The following ABCC9 variants were observed in gnomAD, a reference collection of about 807,000 sequenced individuals.
ABCC9 encodes the protein ATP-binding cassette sub-family C member 9.
ABCC9 carries 95 observed loss-of-function variants against 188.3 expected under a neutral mutation model. The observed-to-expected ratio is 0.50, with a 90% CI of 0.43 to 0.60. The LOEUF (loss-of-function observed/expected upper bound fraction) is 0.60. Ranked by LOEUF, ABCC9 falls within the 20% of genes least tolerant of loss-of-function variation. The pLI, the probability that ABCC9 is intolerant of heterozygous loss-of-function variation, is 0.00. For synonymous variants in ABCC9, 659 were observed against 652.7 expected (o/e 1.01, Z -0.15); for missense variants, 1,102 against 1,876.3 (o/e 0.59, Z 7.62).
intron 22 of ABCC9, among the ~76,000 whole-genome samples, chr12:21,857,245 G>A (rs569488278): frequency 2.6e-4 from 39 of 152,176 alleles, no homozygotes; most frequent in Admixed American, 5.2e-4. Flanking sequence ...CTATACATCA[G>A]GGATTAAGAA....
chr12:21,824,032 A>C (rs982883162), intron 31 of ABCC9, among the ~76,000 whole-genome samples: 2 of 152,262 alleles, frequency 1.3e-5, no homozygotes, highest in Non-Finnish European at 2.9e-5. Context: ...TAGATCTTCC[A>C]TAGGGAAAAC....
intron 28 of ABCC9, among the ~76,000 whole-genome samples, chr12:21,843,741 G>C (rs1406819669): frequency 6.6e-6 from 1 of 152,076 alleles, no homozygotes; most frequent in Admixed American, 6.6e-5. Context: ...CCTTAGAAAG[G>C]TTTTAGGTGC....
intron 16 of ABCC9, among the ~76,000 whole-genome samples, chr12:21,881,799 T>TA (rs1290420022): frequency 1.3e-5 from 2 of 152,160 alleles, no homozygotes; most frequent in African/African-American, 2.4e-5. Flanking sequence ...GAGCTCTCTT[T>TA]AAAATTCATA....
rs751172494 is a variant in ABCC9 at position 21,915,854 on chromosome 12, A to G, written c.630T>C (p.Asp210=). The G allele has an allele frequency of 6.2e-7, 1 of 1,613,492 alleles. No homozygotes were observed. Among genetic ancestry groups the G allele is most frequent in the Non-Finnish European group, 8.5e-7 (1 of 1,179,704 alleles). ...ATGGTTGAAGAAATCTCACTCCCAG[A>G]TCCTGGAGGTCTTCAGGAGGCTTTA... The part of the protein sequence containing the change: ...QKVKPPEDLQ[D]LGVRFLQPFV... Residue 210 remains aspartate (D), a synonymous_variant, in exon 7 of 40, where the codon GAT becomes GAC. Coordinates refer to ENST00000261200, the MANE Select transcript of ABCC9 (RefSeq NM_020297.4).
chr12:21,932,576 AAAAC>A (rs1215296936), intron 4 of ABCC9, among the ~76,000 whole-genome samples: 3 of 152,168 alleles, frequency 2.0e-5, no homozygotes, highest in South Asian at 2.1e-4. Context: ...TTACAAGAAA[AAAAC>A]AAACAACCTC....
Position 21,814,625 on chromosome 12 carries a change from A to T in ABCC9, c.4102+19T>A, listed in dbSNP as rs774500228. The T allele has an allele frequency of 6.2e-7, 1 of 1,611,554 alleles. No homozygotes were observed. Among genetic ancestry groups the T allele is most frequent in the South Asian group, 1.1e-5 (1 of 91,034 alleles). On this transcript the variant is annotated intron_variant, in intron 35 of 39. Transcript: ENST00000261200. Reference sequence around the variant, plus strand: ...GAAAGCACCAAGTGGCCACTTAAAAAATTTAGTTAGCAACTCACCATCAAA... The same window carrying T: ...GAAAGCACCAAGTGGCCACTTAAAATATTTAGTTAGCAACTCACCATCAAA...
At position 21,842,486 on chromosome 12, in the gene ABCC9, T is replaced by G. The variant is rs778709594; in HGVS notation, c.3316-15A>C. 16 of 1,613,200 alleles carry G rather than the reference T, an allele frequency of 9.9e-6. No homozygotes were observed. Among genetic ancestry groups the G allele is most frequent in the Non-Finnish European group, 1.3e-5 (15 of 1,179,346 alleles). On this transcript the variant is annotated splice_polypyrimidine_tract_variant and intron_variant, in intron 28 of 39. Transcript: ENST00000261200. ...GGAGGGATGTGCTATTAGGGTAGTTTAAAAGGAAAATATGATTAGCCCAGT... is the reference window on the plus strand; with the variant it reads ...GGAGGGATGTGCTATTAGGGTAGTTGAAAAGGAAAATATGATTAGCCCAGT...
intron 30 of ABCC9, among the ~76,000 whole-genome samples, chr12:21,832,795 T>A (rs1943847597): frequency 1.3e-5 from 2 of 152,132 alleles, no homozygotes; most frequent in South Asian, 4.2e-4. Context: ...GGAAAAGAAG[T>A]CATTATATGA....
chr12:21,919,880 G>C (rs1453750543), intron 5 of ABCC9, among the ~76,000 whole-genome samples: 2 of 151,928 alleles, frequency 1.3e-5, no homozygotes, highest in Admixed American at 6.6e-5. Context: ...GAAATCTAGT[G>C]ATATCAAGCA....
At chr12:21,801,724 C>T (rs568337296) in intron 39 of ABCC9, among the ~76,000 whole-genome samples, 5 of 152,290 alleles carry the variant, frequency 3.3e-5, no homozygotes, top group Admixed American at 6.5e-5. Flanking sequence ...GCCACTGACC[C>T]ATTCCTTCTT....
intron 28 of ABCC9, among the ~76,000 whole-genome samples, chr12:21,843,026 G>T (rs898634116): frequency 6.6e-6 from 1 of 151,512 alleles, no homozygotes; most frequent in African/African-American, 2.4e-5. Context: ...ATTTACCTTT[G>T]GTGCTTTTAG....
intron 16 of ABCC9, among the ~76,000 whole-genome samples, chr12:21,881,205 G>T (rs1946600101): frequency 6.6e-6 from 1 of 152,102 alleles, no homozygotes; most frequent in Admixed American, 6.6e-5. Flanking sequence ...ATATGTGTTG[G>T]AGCATTTTCT....
intron 14 of ABCC9, among the ~76,000 whole-genome samples, chr12:21,889,177 G>A (rs972891022): frequency 2.0e-5 from 3 of 152,228 alleles, no homozygotes; most frequent in Admixed American, 6.5e-5. Flanking sequence ...GATGGAAGAC[G>A]AAAATCCATT....
chr12:21,804,903 T>C (rs926073905), intron 39 of ABCC9, among the ~76,000 whole-genome samples: 7 of 152,194 alleles, frequency 4.6e-5, no homozygotes, highest in African/African-American at 1.7e-4. Flanking sequence ...ACTAGTGAAA[T>C]TGGTCCTTAG....
intron 18 of ABCC9, among the ~76,000 whole-genome samples, chr12:21,864,760 C>G (rs1371296391): frequency 6.6e-6 from 1 of 152,056 alleles, no homozygotes; most frequent in African/African-American, 2.4e-5. Context: ...TAGTGCTAAC[C>G]CTGCTCCAAA....
chr12:21,896,766 G>A (rs1363259003), intron 12 of ABCC9, among the ~76,000 whole-genome samples: 1 of 152,132 alleles, frequency 6.6e-6, no homozygotes, highest in African/African-American at 2.4e-5. Flanking sequence ...TCCTTTTTAT[G>A]GCTGCATAGT....
At chr12:21,862,683 C>T (rs1052132410) in intron 20 of ABCC9, among the ~76,000 whole-genome samples, 4 of 152,022 alleles carry the variant, frequency 2.6e-5, no homozygotes, top group Non-Finnish European at 4.4e-5. Context: ...TCACTCTTAC[C>T]CTCCCCACCC....
Position 21,873,707 on chromosome 12 carries a change from A to G in ABCC9, c.2093-977T>C, listed in dbSNP as rs556419452. 3.9e-5 allele frequency among the ~76,000 whole-genome samples: 6 copies of G among 152,268 alleles called. No homozygotes were observed. In the South Asian group the frequency reaches 1.2e-3, roughly 32 times the overall value. On this transcript the variant is annotated intron_variant, in intron 17 of 39. Coordinates refer to ENST00000261200, the MANE Select transcript of ABCC9 (RefSeq NM_020297.4). The stretch of plus-strand genomic sequence containing the variant: ...AATCAAAACAGTACGGTACTTGCAT[A>G]AAGACAGATGCATATATCAATGGAA...
chr12:21,844,408 T>C (rs1944527448), intron 28 of ABCC9, 75 bp downstream of exon 28: 1 of 1,230,124 alleles, frequency 8.1e-7, no homozygotes, highest in Non-Finnish European at 1.2e-6. Context: ...ATAGGAATTA[T>C]ACTTTATCTT....
Sources: gnomAD v4.1 joint callset for allele counts (sites outside exome capture counted in the v4.1 genomes callset) on GRCh38, gnomAD v4.1.1 for gene constraint, MANE v1.5 for transcripts, NCBI Gene and HGNC (gene_info 2026-07-23, HGNC 2026-07-21) for gene names.